The following ZNF90 variants were observed in gnomAD, a reference collection of about 807,000 sequenced individuals.
ZNF90 encodes the protein zinc finger protein 90.
Under a neutral mutation model 12.0 loss-of-function variants are expected in ZNF90, and 11 were observed. That is an observed-to-expected ratio of 0.92 (90% CI 0.58 to 1.52). The LOEUF (loss-of-function observed/expected upper bound fraction) is 1.52. Ranked by LOEUF, ZNF90 falls within the 40% of genes most tolerant of loss-of-function variation. The probability of loss-of-function intolerance (pLI) is 0.00; values close to 1 mark genes in which losing one functional copy is unlikely to be tolerated. For synonymous variants in ZNF90, 232 were observed against 240.1 expected (o/e 0.97, Z 0.31); for missense variants, 765 against 711.5 (o/e 1.08, Z -0.86).
intron 1 of ZNF90, 95 bp downstream of exon 1, chr19:20,078,230 G>A (rs1002016419): frequency 1.3e-6 from 2 of 1,526,862 alleles, no homozygotes; most frequent in Admixed American, 1.7e-5. Flanking sequence ...CCCGCAGTCA[G>A]CTCCACAATC....
intron 1 of ZNF90, among the ~76,000 whole-genome samples, chr19:20,098,509 C>T (rs1394966451): frequency 6.6e-6 from 1 of 152,200 alleles, no homozygotes; most frequent in Admixed American, 6.5e-5. Context: ...GCCATGACCA[C>T]AACTATATTT....
intron 3 of ZNF90, among the ~76,000 whole-genome samples, chr19:20,115,038 A>G (rs1555705519): frequency 1.3e-5 from 2 of 152,106 alleles, no homozygotes; most frequent in African/African-American, 4.8e-5. Flanking sequence ...CATATTGTTT[A>G]ACATCTTTTT....
At chr19:20,085,126 G>A (rs1323163621) in intron 1 of ZNF90, among the ~76,000 whole-genome samples, 1 of 152,086 alleles carries the variant, frequency 6.6e-6, no homozygotes, top group African/African-American at 2.4e-5. Context: ...TCCAGTTTCT[G>A]TCTTCTACAT....
At chr19:20,086,063 TGCAGGCTGAA>T (rs2088856830) in intron 1 of ZNF90, among the ~76,000 whole-genome samples, 1 of 152,138 alleles carries the variant, frequency 6.6e-6, no homozygotes, top group Non-Finnish European at 1.5e-5. Context: ...ATCCAATATT[TGCAGGCTGAA>T]GCACTTGTAC....
Position 20,104,290 on chromosome 19 carries a change from C to T in ZNF90, c.55C>T (p.His19Tyr), listed in dbSNP as rs2089012612. The change falls in exon 2 of 4, where the codon CAT becomes TAT. Residue 19 changes from histidine (H) to tyrosine (Y), a missense_variant. Transcript: ENST00000418063. ...VAIEFSLEEW[H>Y]CLDTAQQNLY... ...CATAGAATTCTCTCTGGAGGAGTGG[C>T]ATTGCCTGGACACTGCACAGCAGAA... 2 of 1,613,902 alleles carry T rather than the reference C, an allele frequency of 1.2e-6. No individual in the cohort carries two copies. Among genetic ancestry groups the T allele is most frequent in the African/African-American group, 2.7e-5 (2 of 74,886 alleles).
At chr19:20,091,157 T>C (rs2088899496) in intron 1 of ZNF90, among the ~76,000 whole-genome samples, 1 of 152,038 alleles carries the variant, frequency 6.6e-6, no homozygotes, top group South Asian at 2.1e-4. Flanking sequence ...CAGACTAAGA[T>C]ATTTTAGTTT....
chr19:20,102,638 A>G (rs989331166), intron 1 of ZNF90, among the ~76,000 whole-genome samples: 2 of 152,228 alleles, frequency 1.3e-5, no homozygotes, highest in East Asian at 1.9e-4. Context: ...TCCAACATGC[A>G]ATCTTAAAAA....
intron 1 of ZNF90, among the ~76,000 whole-genome samples, chr19:20,103,386 G>A (rs1555704078): frequency 6.6e-6 from 1 of 152,184 alleles, no homozygotes; most frequent in Non-Finnish European, 1.5e-5. Flanking sequence ...TGCAAGCCCT[G>A]CCTCAGCTTT....
intron 1 of ZNF90, among the ~76,000 whole-genome samples, chr19:20,078,626 T>G (rs1332567486): frequency 6.6e-6 from 1 of 150,954 alleles, no homozygotes; most frequent in Non-Finnish European, 1.5e-5. Flanking sequence ...GTAGTTCTTC[T>G]TCAAAGACGC....
In ZNF90 at chr19:20,118,118, T is replaced by G. The variant is rs556231373; in HGVS notation, c.564T>G (p.Leu188=). 1.9e-6 allele frequency: 3 copies of G among 1,613,610 alleles called. No individual in the cohort carries two copies. The East Asian group carries it at 6.7e-5, about 36-fold the overall frequency. The part of the protein sequence containing the change: ...CGKAFNQSST[L]ATHKKIHTGE... Reference sequence around the variant, plus strand: ...AAGCTTTCAACCAGTCCTCAACCCTTGCTACACATAAGAAAATTCATACTG... The same window carrying G: ...AAGCTTTCAACCAGTCCTCAACCCTGGCTACACATAAGAAAATTCATACTG... Residue 188 remains leucine, a synonymous_variant, in exon 4 of 4, where the codon CTT becomes CTG. Coordinates refer to ENST00000418063, the MANE Select transcript of ZNF90 (RefSeq NM_007138.2).
chr19:20,083,258 C>A (rs1555701720), intron 1 of ZNF90, among the ~76,000 whole-genome samples: 1 of 152,082 alleles, frequency 6.6e-6, no homozygotes, highest in Non-Finnish European at 1.5e-5. Flanking sequence ...CTAGTCCCAC[C>A]CGATGAGAAA....
In ZNF90 at chr19:20,082,178, C is replaced by T. The variant is rs552234113; in HGVS notation, c.3+4043C>T. ...TGCAGATTTTATCACTGAGATACTA[C>T]GTATAGCACCAAACATGTCTGTTTT... On this transcript the variant is annotated intron_variant, in intron 1 of 3. Transcript: ENST00000418063. Among the ~76,000 whole-genome samples, 9 of 152,160 alleles carry T rather than the reference C, an allele frequency of 5.9e-5. 1 individual carries two copies. Among genetic ancestry groups the T allele is most frequent in the Admixed American group, 5.2e-4 (8 of 15,280 alleles).
At chr19:20,096,937 A>C (rs1476370092) in intron 1 of ZNF90, among the ~76,000 whole-genome samples, 1 of 152,212 alleles carries the variant, frequency 6.6e-6, no homozygotes, top group East Asian at 1.9e-4. Flanking sequence ...TCAAGCAGCT[A>C]AACCACCTCC....
At chr19:20,089,459 ATGTG>A (rs1193183694) in intron 1 of ZNF90, among the ~76,000 whole-genome samples, 1 of 152,046 alleles carries the variant, frequency 6.6e-6, no homozygotes, top group African/African-American at 2.4e-5. Flanking sequence ...TGTTTCAGTG[ATGTG>A]TGTAGTTGGG....
intron 1 of ZNF90, among the ~76,000 whole-genome samples, chr19:20,102,818 G>A (rs572324945): frequency 2.0e-4 from 30 of 152,256 alleles, no homozygotes; most frequent in African/African-American, 7.0e-4. Flanking sequence ...AAATGGAATG[G>A]CATTTATTAC....
chr19:20,102,682 A>G (rs2088999059), intron 1 of ZNF90, among the ~76,000 whole-genome samples: 1 of 152,216 alleles, frequency 6.6e-6, no homozygotes, highest in Non-Finnish European at 1.5e-5. Flanking sequence ...ATGAAAAGAT[A>G]TGGATACTCA....
At chr19:20,081,676 C>T (rs1456625047) in intron 1 of ZNF90, among the ~76,000 whole-genome samples, 1 of 152,194 alleles carries the variant, frequency 6.6e-6, no homozygotes, top group Non-Finnish European at 1.5e-5. Flanking sequence ...TGTGGCCCCA[C>T]CTGGGCCACT....
chr19:20,085,268 C>CTTTTTTCTTTCTTTTTTTT (rs1555701916), intron 1 of ZNF90, among the ~76,000 whole-genome samples: 23 of 135,574 alleles, frequency 1.7e-4, no homozygotes, highest in African/African-American at 6.7e-4. Flanking sequence ...TTGCATTGGT[C>CTTTTTTCTTTCTTTTTTTT]TTTTTTTTTT....
In ZNF90 at chr19:20,110,469, G is replaced by A. The variant is rs1023864010; in HGVS notation, c.226+5153G>A. Among the ~76,000 whole-genome samples, 6 of 151,938 alleles carry A rather than the reference G, an allele frequency of 3.9e-5. No homozygotes were observed. The South Asian group carries it at 6.2e-4, about 16-fold the overall frequency. On this transcript the variant is annotated intron_variant, in intron 3 of 3. Transcript: ENST00000418063. ...GATTTTTTGTATTTTTGGTAGAGAC[G>A]GGGCCAGGCTGGTCTCAGACTCCTG...
Sources: allele counts gnomAD v4.1 joint callset (sites outside exome capture counted in the v4.1 genomes callset), GRCh38; gene constraint gnomAD v4.1.1; transcripts MANE v1.5; gene names NCBI Gene and HGNC (gene_info 2026-07-23, HGNC 2026-07-21).